The following BMP5 variants were observed in gnomAD, a reference collection of about 807,000 sequenced individuals.
BMP5 encodes the protein bone morphogenetic protein 5.
In BMP5, 23 loss-of-function variants were observed where a neutral mutation model predicts 46.6. That is an observed-to-expected ratio of 0.49 (90% CI 0.35 to 0.70). The LOEUF is 0.70. Ranked by LOEUF, BMP5 falls within the 30% of genes least tolerant of loss-of-function variation. The pLI, the probability that BMP5 is intolerant of heterozygous loss-of-function variation, is 0.00. For missense variants in BMP5, 545 were observed against 565.6 expected, an observed-to-expected ratio of 0.96 and a Z score of 0.37; for synonymous variants, 204 against 191.9, an observed-to-expected ratio of 1.06 and a Z score of -0.52.
chr6:55,755,750 G>A, intron 6 of BMP5, 68 bp from the exon 7 acceptor site: 4 of 1,453,066 alleles, frequency 2.8e-6, no homozygotes, highest in South Asian at 2.3e-5. Context: ...TTTTAAAATG[G>A]TATGATTATT....
intron 4 of BMP5, among the ~76,000 whole-genome samples, chr6:55,761,444 T>C (rs1031476225): frequency 2.6e-5 from 4 of 152,064 alleles, no homozygotes; most frequent in African/African-American, 4.8e-5. Context: ...CAAGGCTCTT[T>C]ACATTTTGGT....
chr6:55,757,935 C>G (rs1307782468), intron 6 of BMP5, among the ~76,000 whole-genome samples: 1 of 151,838 alleles, frequency 6.6e-6, no homozygotes, highest in Non-Finnish European at 1.5e-5. Context: ...TTGCTTTTGC[C>G]AGTTCACAGA....
chr6:55,808,002 T>C (rs1405172117), intron 2 of BMP5, among the ~76,000 whole-genome samples: 1 of 152,156 alleles, frequency 6.6e-6, no homozygotes, highest in Non-Finnish European at 1.5e-5. Flanking sequence ...TGACTGTTCC[T>C]TGATGGAGGA....
chr6:55,791,474 T>C (rs1031237007), intron 3 of BMP5, among the ~76,000 whole-genome samples: 1 of 152,110 alleles, frequency 6.6e-6, no homozygotes, highest in Non-Finnish European at 1.5e-5. Context: ...CTCTCAAATA[T>C]GGAATTTGGA....
At chr6:55,758,564 T>C (rs189525911) in intron 6 of BMP5, among the ~76,000 whole-genome samples, 241 of 152,076 alleles carry the variant, frequency 1.6e-3, no homozygotes, top group Admixed American at 4.4e-3. Context: ...ATTTGTATAC[T>C]ACATTGAAGA....
chr6:55,761,600 C>A (rs1183634978), intron 4 of BMP5, among the ~76,000 whole-genome samples: 2 of 152,018 alleles, frequency 1.3e-5, no homozygotes, highest in Non-Finnish European at 2.9e-5. Context: ...CTCACTAGTC[C>A]CTCTCCCTGG....
Position 55,759,181 on chromosome 6 carries a change from A to C in BMP5, c.1105-66T>G, listed in dbSNP as rs111885475. On this transcript the variant is annotated intron_variant, in intron 5 of 6. Transcript: ENST00000370830. ...AAAAAAAAAAAAAAAAAAAAAAAAA[A>C]AACAACAAGAAAAAATATCACCAAA... 912 of 750,994 alleles carry C rather than the reference A, an allele frequency of 1.2e-3. 13 individuals carry two copies. In the African/African-American group the frequency reaches 0.013, roughly 11 times the overall value. 46.5% of individuals were successfully genotyped at this position (750,994 alleles called of 1,614,324 possible). A position where few individuals can be genotyped will look rare whatever the true frequency, so the allele number is the denominator to read the frequency against.
chr6:55,865,472 G>A (rs537227656), intron 1 of BMP5: 23 of 482,478 alleles, frequency 4.8e-5, no homozygotes, highest in African/African-American at 2.2e-4. Context: ...GGTCCTCAGA[G>A]GAAAGCACCA....
intron 1 of BMP5, among the ~76,000 whole-genome samples, chr6:55,846,359 T>C (rs1046103508): frequency 3.2e-4 from 48 of 152,008 alleles, no homozygotes; most frequent in Non-Finnish European, 6.5e-4. Flanking sequence ...TTTGGTGTTA[T>C]TGAAGACACA....
intron 1 of BMP5, among the ~76,000 whole-genome samples, chr6:55,847,986 T>C (rs1237621932): frequency 6.6e-6 from 1 of 151,978 alleles, no homozygotes; most frequent in Non-Finnish European, 1.5e-5. Context: ...GGATTTTAAT[T>C]TGTACAGTTA....
rs906777919 is a variant in BMP5, at chr6:55,754,977, T to C, written c.*556A>G. ...TCTGTGCAATCTTTCAGCTTCTATGTTCTGCCTACCGTTTATTTATTCAAA... is the reference window on the plus strand; with the variant it reads ...TCTGTGCAATCTTTCAGCTTCTATGCTCTGCCTACCGTTTATTTATTCAAA... On this transcript the variant is annotated 3_prime_UTR_variant, in exon 7 of 7. Coordinates refer to ENST00000370830, the MANE Select transcript of BMP5 (RefSeq NM_021073.4). 2 of 152,412 alleles carry C rather than the reference T, an allele frequency of 1.3e-5. No homozygotes were observed. The highest frequency in any genetic ancestry group is 1.9e-4 in the East Asian group (1 of 5,180). 9.4% of individuals were successfully genotyped at this position (152,412 alleles called of 1,614,324 possible).
Position 55,821,274 on chromosome 6 carries a change from C to G in BMP5, c.491-1427G>C, listed in dbSNP as rs569993578. ...CCATAATAATCTCTGGTTTATTTTCCCCAGAAAAGTGGAAGGTGGTTCAGG... is the reference window on the plus strand; with the variant it reads ...CCATAATAATCTCTGGTTTATTTTCGCCAGAAAAGTGGAAGGTGGTTCAGG... On this transcript the variant is annotated intron_variant, in intron 1 of 6. Coordinates refer to ENST00000370830, the MANE Select transcript of BMP5 (RefSeq NM_021073.4). Among the ~76,000 whole-genome samples, 104 of 152,232 alleles carry G rather than the reference C, an allele frequency of 6.8e-4. 1 individual carries two copies. Among genetic ancestry groups the G allele is most frequent in the Non-Finnish European group, 1.5e-5 (1 of 68,002 alleles).
chr6:55,803,417 C>A (rs1582077733), intron 2 of BMP5, among the ~76,000 whole-genome samples: 1 of 152,042 alleles, frequency 6.6e-6, no homozygotes, highest in African/African-American at 2.4e-5. Context: ...GTCATATTAC[C>A]TAAACAGAAA....
chr6:55,841,651 G>A (rs543243526), intron 1 of BMP5, among the ~76,000 whole-genome samples: 166 of 152,188 alleles, frequency 1.1e-3, no homozygotes, highest in African/African-American at 3.9e-3. Context: ...GCATGCAGAT[G>A]GTCACCCTCT....
At position 55,874,616 on chromosome 6, in the gene BMP5, G is replaced by T. The variant is rs1220935838; in HGVS notation, c.250C>A (p.Leu84Ile). 6.2e-7 allele frequency: 1 copy of T among 1,613,494 alleles called. No individual in the cohort carries two copies. The highest frequency in any genetic ancestry group is 1.3e-5 in the African/African-American group (1 of 74,852). The change falls in exon 1 of 7, where the codon CTC (leucine) becomes ATC (isoleucine). Residue 84 changes from leucine to isoleucine, a missense_variant. Transcript: ENST00000370830. ...ASSAPLFMLD[L>I]YNAMTNEENP... ...TCTTCATTGGTCATGGCATTGTAGAGATCCAGCATAAAGAGAGGTGCAGAG... is the reference window on the plus strand; with the variant it reads ...TCTTCATTGGTCATGGCATTGTAGATATCCAGCATAAAGAGAGGTGCAGAG...
intron 3 of BMP5, among the ~76,000 whole-genome samples, chr6:55,778,614 T>C (rs1775235516): frequency 6.6e-6 from 1 of 152,060 alleles, no homozygotes; most frequent in East Asian, 1.9e-4. Context: ...GAAATATTTA[T>C]ACCTTGTCCA....
intron 1 of BMP5, among the ~76,000 whole-genome samples, chr6:55,843,862 T>A (rs1403138464): frequency 6.6e-6 from 1 of 152,052 alleles, no homozygotes; most frequent in Non-Finnish European, 1.5e-5. Flanking sequence ...AAAGATGTTT[T>A]ATCTAAATAA....
intron 3 of BMP5, among the ~76,000 whole-genome samples, chr6:55,787,013 G>T (rs961317878): frequency 3.3e-5 from 5 of 151,588 alleles, no homozygotes; most frequent in African/African-American, 1.2e-4. Flanking sequence ...ATAATAATGA[G>T]AAACTGTAGT....
At chr6:55,804,381 G>T (rs1775936453) in intron 2 of BMP5, among the ~76,000 whole-genome samples, 1 of 152,180 alleles carries the variant, frequency 6.6e-6, no homozygotes, top group Non-Finnish European at 1.5e-5. Flanking sequence ...ATGAAAACGG[G>T]AAGGAAGCAT....
Sources: gnomAD v4.1 joint callset for allele counts (sites outside exome capture counted in the v4.1 genomes callset) on GRCh38, gnomAD v4.1.1 for gene constraint, MANE v1.5 for transcripts, NCBI Gene and HGNC (gene_info 2026-07-23, HGNC 2026-07-21) for gene names.